DNAH17: variants seen among roughly 807,000 people sequenced by gnomAD.
DNAH17 encodes axonemal beta dynein heavy chain 17.
Under a neutral mutation model 485.6 loss-of-function variants are expected in DNAH17, and 376 were observed. That is an observed-to-expected ratio of 0.77 (90% confidence interval 0.71 to 0.84). DNAH17 has a LOEUF of 0.84. Ranked by LOEUF, DNAH17 falls within the 40% of genes least tolerant of loss-of-function variation. The pLI, the probability that DNAH17 is intolerant of heterozygous loss-of-function variation, is 0.00. For missense variants in DNAH17, 6,370 were observed against 5,839.3 expected, an observed-to-expected ratio of 1.09 and a Z score of -2.96; for synonymous variants, 3,031 against 2,405.9, an observed-to-expected ratio of 1.26 and a Z score of -7.60.
chr17:78,458,580 A>T lies in DNAH17; in HGVS notation c.9962T>A (p.Ile3321Asn), dbSNP rs1413866726. Reference sequence around the variant, plus strand: ...GAGCTGATACCTGTTCGCCAGTAAGATCACCCTGTTCGTGGCATCGGCCTC... The same window carrying T: ...GAGCTGATACCTGTTCGCCAGTAAGTTCACCCTGTTCGTGGCATCGGCCTC... ...QQEADATNRV[I>N]LLANRLVGGL... The change falls in exon 62 of 81, where the codon ATC becomes AAC. Residue 3321 changes from isoleucine (I) to asparagine (N), a missense_variant. Transcript: ENST00000389840. 6.2e-7 allele frequency: 1 copy of T among 1,613,848 alleles called. No homozygotes were observed. The highest frequency in any genetic ancestry group is 8.5e-7 in the Non-Finnish European group (1 of 1,179,848).
intron 14 of DNAH17, 147 bp from the exon 15 acceptor site, chr17:78,552,952 T>A: frequency 1.6e-6 from 1 of 642,332 alleles, no homozygotes. Context: ...TAATCCCCAG[T>A]GTTGGAGGTG....
At position 78,570,883 on chromosome 17, in the gene DNAH17, A is replaced by G. The variant is rs1264233628; in HGVS notation, c.918+65T>C. On this transcript the variant is annotated intron_variant, in intron 6 of 80. Transcript: ENST00000389840. ...AAAAAAAAAAAAAAAAAAAAAGAAA[A>G]AAGAAAAGAAAAGAAAAGAAACAAG... The G allele has an allele frequency of 3.2e-4, 226 of 701,184 alleles. 1 individual carries two copies. Among genetic ancestry groups the G allele is most frequent in the African/African-American group, 1.5e-3 (65 of 42,284 alleles). 43.4% of individuals were successfully genotyped at this position (701,184 alleles called of 1,614,324 possible).
rs149622697 is a variant in DNAH17 at position 78,436,550 on chromosome 17, T to C, written c.12033+1091A>G. 3.6e-3 allele frequency among the ~76,000 whole-genome samples: 541 copies of C among 151,478 alleles called. 4 individuals are homozygous for C. The highest frequency in any genetic ancestry group is 0.012 in the African/African-American group (502 of 41,252). ...GGTGCCAAAAGGAGAAATATCGACATGAGGACCTGCAGAGGCAGGAGCACC... is the reference window on the plus strand; with the variant it reads ...GGTGCCAAAAGGAGAAATATCGACACGAGGACCTGCAGAGGCAGGAGCACC... On this transcript the variant is annotated intron_variant, in intron 74 of 80. Coordinates refer to ENST00000389840, the MANE Select transcript of DNAH17 (RefSeq NM_173628.4).
chr17:78,445,053 T>G (rs1374853967), intron 70 of DNAH17, among the ~76,000 whole-genome samples: 1 of 152,158 alleles, frequency 6.6e-6, no homozygotes, highest in South Asian at 2.1e-4. Flanking sequence ...TAGGGGCTGC[T>G]TCTCTAGGGG....
At chr17:78,450,201 C>T (rs904979391) in intron 68 of DNAH17, 53 bp downstream of exon 68, 2 of 1,604,082 alleles carry the variant, frequency 1.2e-6, no homozygotes, top group Non-Finnish European at 1.7e-6. Context: ...GCTGTGGAGC[C>T]CAGATGCAGC....
rs116013787 is a variant in DNAH17 at position 78,491,974 on chromosome 17, G to A, written c.6542-404C>T. On this transcript the variant is annotated intron_variant, in intron 42 of 80. Transcript: ENST00000389840. ...GTCAGGCATGGAATGGAGCAAGGTGGGGGCTGGGGGTACAGAGCTTGACTT... is the reference window on the plus strand; with the variant it reads ...GTCAGGCATGGAATGGAGCAAGGTGAGGGCTGGGGGTACAGAGCTTGACTT... Among the ~76,000 whole-genome samples the A allele has an allele frequency of 2.6e-3, 394 of 152,340 alleles. 3 individuals are homozygous for A. The highest frequency in any genetic ancestry group is 9.0e-3 in the African/African-American group (374 of 41,570).
At chr17:78,457,384 CAAAACAAAACAAA>C (rs1156448896) in intron 62 of DNAH17, among the ~76,000 whole-genome samples, 1 of 151,378 alleles carries the variant, frequency 6.6e-6, no homozygotes, top group Non-Finnish European at 1.5e-5. Context: ...CAAAACAAAA[CAAAACAAAACAAA>C]AAAACAAAAA....
intron 58 of DNAH17, 61 bp downstream of exon 58, chr17:78,461,483 C>T: frequency 7.0e-7 from 1 of 1,431,700 alleles, no homozygotes; most frequent in Non-Finnish European, 9.2e-7. Flanking sequence ...CACGTGGAAG[C>T]CCAGGAGGCC....
rs772912837 is a variant in DNAH17, at chr17:78,495,862, C to T, written c.5903+13G>A. The stretch of plus-strand genomic sequence containing the variant: ...GCTCACTGCAGCCACTCACTTTCAC[C>T]TGGGCCACGTACCTGAATAAGGCTT... On this transcript the variant is annotated intron_variant, in intron 38 of 80. Transcript: ENST00000389840. 69 of 1,607,842 alleles carry T rather than the reference C, an allele frequency of 4.3e-5. No individual in the cohort carries two copies. The highest frequency in any genetic ancestry group is 5.9e-5 in the Non-Finnish European group (69 of 1,175,800).
At chr17:78,462,796 G>C in intron 57 of DNAH17, 48 bp downstream of exon 57, 1 of 1,589,490 alleles carries the variant, frequency 6.3e-7, no homozygotes, top group Non-Finnish European at 8.6e-7. Context: ...CTCCTGCGAG[G>C]CCTCCAGGGA....
Position 78,466,914 on chromosome 17 carries a change from C to T in DNAH17, c.8779-98G>A, listed in dbSNP as rs547896753. On this transcript the variant is annotated intron_variant, in intron 55 of 80. Coordinates refer to ENST00000389840, the MANE Select transcript of DNAH17 (RefSeq NM_173628.4). The stretch of plus-strand genomic sequence containing the variant: ...AAGCTCTGCCAGAAAGCAACGCGCC[C>T]TGCCGGGCTCAGCCGCCCAGGGCCT... The T allele has an allele frequency of 4.4e-6, 6 of 1,349,338 alleles. No individual in the cohort carries two copies. In the African/African-American group the frequency reaches 9.0e-5, roughly 20 times the overall value. The allele number at this position is 1,349,338 out of a possible 1,614,324, so 83.6% of individuals were successfully genotyped here.
intron 2 of DNAH17, among the ~76,000 whole-genome samples, chr17:78,573,372 G>A (rs2092387385): frequency 6.6e-6 from 1 of 152,092 alleles, no homozygotes; most frequent in Admixed American, 6.5e-5. Context: ...GCCGAGGCAG[G>A]TACATCACCT....
At chr17:78,438,418 T>TGAGGAG (rs1369198066) in intron 73 of DNAH17, among the ~76,000 whole-genome samples, 1 of 876 alleles carries the variant, frequency 1.1e-3, no homozygotes, top group South Asian at 0.056. Flanking sequence ...CTGCCCCAAG[T>TGAGGAG]GAGGAGAAGG....
rs781205337 is a variant in DNAH17 at position 78,561,925 on chromosome 17, G to A, written c.1625C>T (p.Ala542Val). 34 of 1,613,148 alleles carry A rather than the reference G, an allele frequency of 2.1e-5. No individual in the cohort carries two copies. Among genetic ancestry groups the A allele is most frequent in the Non-Finnish European group, 2.5e-5 (29 of 1,179,596 alleles). Residue 542 changes from alanine to valine, a missense_variant, in exon 12 of 81, where the codon GCG becomes GTG. Physicochemically the swap from Ala to Val is moderately conservative, Grantham distance 64 (BLOSUM62 0). Coordinates refer to ENST00000389840, the MANE Select transcript of DNAH17 (RefSeq NM_173628.4). ...CTCCAGCATGACTGAATACCTGGGC[G>A]CCACCTCGGCAAGAATCAGGGGCCG... ...MERPLILAEV[A>V]PRYSVMLELF...
rs2091899940 is a variant in DNAH17 at position 78,551,468 on chromosome 17, C to A, written c.2391+67G>T. 48 of 1,476,940 alleles carry A rather than the reference C, an allele frequency of 3.2e-5. No individual in the cohort carries two copies. The South Asian group carries it at 5.4e-4, about 17-fold the overall frequency. The allele number at this position is 1,476,940 out of a possible 1,614,324, so 91.5% of individuals were successfully genotyped here. The stretch of plus-strand genomic sequence containing the variant: ...GCACTTTCCATGGGCCTCTACGTAG[C>A]CTGGTTTGCCCCAGGGCAGCCCCAG... On this transcript the variant is annotated intron_variant, in intron 16 of 80. Coordinates refer to ENST00000389840, the MANE Select transcript of DNAH17 (RefSeq NM_173628.4).
At chr17:78,516,999 G>C (rs1466957927) in intron 25 of DNAH17, among the ~76,000 whole-genome samples, 1 of 152,212 alleles carries the variant, frequency 6.6e-6, no homozygotes, top group Non-Finnish European at 1.5e-5. Flanking sequence ...TCCATTTAAA[G>C]TCATAATAGC....
intron 51 of DNAH17, among the ~76,000 whole-genome samples, chr17:78,478,500 TCAC>T (rs1347698078): frequency 4.3e-4 from 62 of 145,350 alleles, no homozygotes; most frequent in African/African-American, 1.2e-3. Context: ...ACCATCATTA[TCAC>T]CACCATCACC....
intron 12 of DNAH17, 133 bp downstream of exon 12, chr17:78,561,582 T>A: frequency 8.7e-7 from 1 of 1,150,720 alleles, no homozygotes; most frequent in Non-Finnish European, 1.2e-6. Flanking sequence ...AGGGGTCTCT[T>A]CTGGGCTTTT....
rs758035733 is a variant in DNAH17, at chr17:78,525,009, C to A, written c.3864G>T (p.Val1288=). 1.2e-6 allele frequency: 2 copies of A among 1,612,060 alleles called. No homozygotes were observed. The highest frequency in any genetic ancestry group is 1.7e-6 in the Non-Finnish European group (2 of 1,178,596). Residue 1288 remains valine, a splice_region_variant and synonymous_variant, in exon 25 of 81, where the codon GTG becomes GTT. Transcript: ENST00000389840. The part of the protein sequence containing the change: ...LLKELWDMVV[V]VNTSIEDWKT... ...CCCACGCGGCGTGCCCTGCACTCAC[C>A]ACAACAACCATGTCCCAGAGCTCCT...
Sources: allele counts gnomAD v4.1 joint callset (sites outside exome capture counted in the v4.1 genomes callset), GRCh38; gene constraint gnomAD v4.1.1; transcripts MANE v1.5; gene names NCBI Gene and HGNC (gene_info 2026-07-23, HGNC 2026-07-21).